Variants in PPP1R9A observed in about 807,000 individuals in gnomAD.
PPP1R9A encodes neurabin-1.
A neutral mutation model predicts 141.9 loss-of-function variants in PPP1R9A; 59 were observed. The ratio of observed to expected loss-of-function variants is 0.42; its 90% CI spans 0.34 to 0.52. The LOEUF (loss-of-function observed/expected upper bound fraction) is 0.52. Ranked by LOEUF, PPP1R9A falls within the 20% of genes least tolerant of loss-of-function variation. PPP1R9A has a pLI of 0.10. For synonymous variants in PPP1R9A, 500 were observed against 569.7 expected, an observed-to-expected ratio of 0.88 and a Z score of 1.74; for missense variants, 1,444 against 1,611.9, an observed-to-expected ratio of 0.90 and a Z score of 1.78.
At chr7:95,156,841 T>A (rs568877181) in intron 4 of PPP1R9A, 13 of 152,302 alleles carry the variant, frequency 8.5e-5, no homozygotes, top group African/African-American at 3.1e-4. Flanking sequence ...AGCTTCTCTC[T>A]TCTGCTGGTT....
chr7:95,051,932 A>G (rs6465453), intron 2 of PPP1R9A, among the ~76,000 whole-genome samples: 49,889 of 150,376 alleles, frequency 0.33, 9,655 homozygotes, highest in Non-Finnish European at 0.44. Flanking sequence ...CTCCTCCTCC[A>G]GGGTTCAAGT....
chr7:94,988,919 T>G (rs1056234074), intron 2 of PPP1R9A, among the ~76,000 whole-genome samples: 4 of 152,170 alleles, frequency 2.6e-5, no homozygotes, highest in African/African-American at 9.6e-5. Context: ...TTAGGTTATT[T>G]TACTCCCATG....
intron 8 of PPP1R9A, among the ~76,000 whole-genome samples, chr7:95,227,970 A>G (rs942007125): frequency 2.0e-5 from 3 of 152,120 alleles, no homozygotes; most frequent in South Asian, 2.1e-4. Context: ...TGACATTTGT[A>G]TCTTGTACAC....
intron 1 of PPP1R9A, 133 bp downstream of exon 1, chr7:94,907,835 G>A (rs1391927162): frequency 6.6e-6 from 1 of 150,412 alleles, no homozygotes; most frequent in South Asian, 2.1e-4. Context: ...CCTGGCCCCA[G>A]GCCGGCCCGA....
At position 95,226,001 on chromosome 7, in the gene PPP1R9A, G is replaced by T. The variant is rs1795097820; in HGVS notation, c.1997G>T (p.Gly666Val). ...ACAGATGAAGAAGAAGATGAGGTAG[G>T]ACCTGTCCTTCCTGGCAGCGACATG... The part of the protein sequence containing the change: ...YATDEEEDEV[G>V]PVLPGSDMAI... Residue 666 changes from glycine (G) to valine (V), a missense_variant, in exon 8 of 20, where the codon GGA (glycine) becomes GTA (valine). Physicochemically the swap from Gly to Val is moderately radical, Grantham distance 109. Transcript: ENST00000433360. 1 of 1,613,220 alleles carries T rather than the reference G, an allele frequency of 6.2e-7. No homozygotes were observed. The highest frequency in any genetic ancestry group is 1.1e-5 in the South Asian group (1 of 91,022).
At chr7:94,977,650 C>T (rs1457008564) in intron 2 of PPP1R9A, among the ~76,000 whole-genome samples, 3 of 151,918 alleles carry the variant, frequency 2.0e-5, no homozygotes, top group Non-Finnish European at 4.4e-5. Flanking sequence ...ACAATGAGTT[C>T]CTGAGAGGAT....
chr7:95,111,284 A>C lies in PPP1R9A; in HGVS notation c.1421A>C (p.Asp474Ala), dbSNP rs1342746586. ...IKVFNTYSNE[D>A]YDRRNDEVDP... ...GTTTTCAACACATACTCCAATGAAG[A>C]CTATGACAGGAGAAATGACGAAGTT... Residue 474 changes from aspartate (D) to alanine (A), a missense_variant, in exon 3 of 20, where the codon GAC becomes GCC. By Grantham distance (126) the Asp-to-Ala change is moderately radical (BLOSUM62 -2). Coordinates refer to ENST00000433360, the MANE Select transcript of PPP1R9A (RefSeq NM_001166160.2). 2 of 1,613,046 alleles carry C rather than the reference A, an allele frequency of 1.2e-6. No homozygotes were observed. Among genetic ancestry groups the C allele is most frequent in the South Asian group, 2.2e-5 (2 of 91,048 alleles).
chr7:94,952,600 C>T (rs569384680), intron 2 of PPP1R9A, among the ~76,000 whole-genome samples: 25 of 152,312 alleles, frequency 1.6e-4, no homozygotes, highest in African/African-American at 5.8e-4. Context: ...TATTTCTCTA[C>T]ATCCTCTCCA....
At chr7:95,099,845 A>G (rs951909374) in intron 2 of PPP1R9A, among the ~76,000 whole-genome samples, 1 of 152,204 alleles carries the variant, frequency 6.6e-6, no homozygotes, top group Non-Finnish European at 1.5e-5. Context: ...GTATTTTAAC[A>G]ACACATATTT....
chr7:95,192,205 G>C (rs1220694628), intron 5 of PPP1R9A, among the ~76,000 whole-genome samples: 1 of 151,940 alleles, frequency 6.6e-6, no homozygotes, highest in East Asian at 1.9e-4. Context: ...ACAGTGTGTA[G>C]AGTAAGTACT....
intron 2 of PPP1R9A, among the ~76,000 whole-genome samples, chr7:94,931,970 C>G (rs1794219051): frequency 6.6e-6 from 1 of 152,166 alleles, no homozygotes; most frequent in South Asian, 2.1e-4. Flanking sequence ...GCTATTTCTT[C>G]TTCAGTGAAT....
chr7:95,054,614 C>T (rs965588827), intron 2 of PPP1R9A, among the ~76,000 whole-genome samples: 2 of 151,982 alleles, frequency 1.3e-5, no homozygotes, highest in Non-Finnish European at 2.9e-5. Context: ...AGCTATAAGG[C>T]CCTATGCGTC....
At chr7:94,966,165 A>G (rs1563057576) in intron 2 of PPP1R9A, among the ~76,000 whole-genome samples, 3 of 152,048 alleles carry the variant, frequency 2.0e-5, no homozygotes, top group African/African-American at 7.2e-5. Context: ...TTGCACATTG[A>G]TTTTTTTATC....
chr7:94,926,924 T>C (rs1455184983), intron 2 of PPP1R9A, among the ~76,000 whole-genome samples: 1 of 152,228 alleles, frequency 6.6e-6, no homozygotes, highest in East Asian at 1.9e-4. Flanking sequence ...TGGGACCAAA[T>C]AATCCAAGGT....
At chr7:95,152,775 A>G (rs1381373365) in intron 4 of PPP1R9A, among the ~76,000 whole-genome samples, 2 of 151,924 alleles carry the variant, frequency 1.3e-5, no homozygotes, top group Non-Finnish European at 2.9e-5. Context: ...GAACTTGATA[A>G]TAATGCCTAT....
At chr7:94,980,605 GTT>G (rs377511617) in intron 2 of PPP1R9A, among the ~76,000 whole-genome samples, 8 of 139,242 alleles carry the variant, frequency 5.7e-5, no homozygotes, top group East Asian at 2.2e-4. Context: ...CCAGTTTAGT[GTT>G]TTTTTTTTTT....
intron 5 of PPP1R9A, among the ~76,000 whole-genome samples, chr7:95,189,812 T>G (rs986576725): frequency 3.3e-5 from 5 of 152,208 alleles, no homozygotes; most frequent in Non-Finnish European, 7.4e-5. Flanking sequence ...TCTGAAGTTC[T>G]TTCTTCTACT....
intron 6 of PPP1R9A, among the ~76,000 whole-genome samples, chr7:95,199,010 CAT>C (rs1384898260): frequency 6.6e-6 from 1 of 152,126 alleles, no homozygotes; most frequent in Non-Finnish European, 1.5e-5. Flanking sequence ...TTTGTGCTAA[CAT>C]AATGCAGAAC....
At position 95,280,706 on chromosome 7, in the gene PPP1R9A, A is replaced by G. The variant is rs565174435; in HGVS notation, c.3297-3312A>G. Reference sequence around the variant, plus strand: ...AAAAAAGAAGGTGAAGGGAATATAGACTATCTACCTATTTTGATCCACTGG... The same window carrying G: ...AAAAAAGAAGGTGAAGGGAATATAGGCTATCTACCTATTTTGATCCACTGG... On this transcript the variant is annotated intron_variant, in intron 16 of 19. Coordinates refer to ENST00000433360, the MANE Select transcript of PPP1R9A (RefSeq NM_001166160.2). Among the ~76,000 whole-genome samples the G allele has an allele frequency of 2.0e-5, 3 of 152,304 alleles. No homozygotes were observed. The South Asian group carries it at 6.2e-4, about 32-fold the overall frequency.
Sources: gnomAD v4.1 joint callset for allele counts (sites outside exome capture counted in the v4.1 genomes callset) on GRCh38, gnomAD v4.1.1 for gene constraint, MANE v1.5 for transcripts, NCBI Gene and HGNC (gene_info 2026-07-23, HGNC 2026-07-21) for gene names.